The following EML4 variants were observed in gnomAD, a reference collection of about 807,000 sequenced individuals.
EML4 encodes EMAP like 4.
Under a neutral mutation model 129.0 loss-of-function variants are expected in EML4, and 72 were observed. That is an observed-to-expected ratio of 0.56 (90% CI 0.46 to 0.68). EML4 has a LOEUF of 0.68. Among genes scored for constraint, EML4 ranks in the 30% least tolerant of loss-of-function variants. The probability of loss-of-function intolerance (pLI) is 0.00; values close to 1 mark genes in which losing one functional copy is unlikely to be tolerated. For missense variants in EML4, 1,363 were observed against 1,190.6 expected (o/e 1.14, Z -2.13); for synonymous variants, 532 against 405.0 (o/e 1.31, Z -3.77).
chr2:42,231,501 CT>C (rs1674343107), intron 1 of EML4, among the ~76,000 whole-genome samples: 1 of 152,192 alleles, frequency 6.6e-6, no homozygotes, highest in South Asian at 2.1e-4. Flanking sequence ...ATTCCCCACA[CT>C]GTTTTTTTTC....
At chr2:42,224,307 T>C (rs939946368) in intron 1 of EML4, among the ~76,000 whole-genome samples, 1 of 152,158 alleles carries the variant, frequency 6.6e-6, no homozygotes, top group East Asian at 1.9e-4. Flanking sequence ...ATACAGTATG[T>C]AGTCTTTTGT....
At chr2:42,239,461 A>G (rs1293550948) in intron 1 of EML4, among the ~76,000 whole-genome samples, 2 of 152,256 alleles carry the variant, frequency 1.3e-5, no homozygotes, top group Admixed American at 6.5e-5. Context: ...TTCAAACTTT[A>G]TAAAGTTTAC....
intron 19 of EML4, among the ~76,000 whole-genome samples, chr2:42,323,393 T>A (rs1377181119): frequency 6.6e-6 from 1 of 152,172 alleles, no homozygotes; most frequent in Non-Finnish European, 1.5e-5. Flanking sequence ...AGCAAGTGAT[T>A]CCCAACGTGT....
intron 13 of EML4, among the ~76,000 whole-genome samples, chr2:42,298,222 C>G (rs1231628114): frequency 6.6e-6 from 1 of 152,138 alleles, no homozygotes; most frequent in Non-Finnish European, 1.5e-5. Context: ...CAAAGTCTCC[C>G]TAATATTTTA....
At position 42,310,518 on chromosome 2, in the gene EML4, G is replaced by A. The variant is rs187979041; in HGVS notation, c.1968-5444G>A. Among the ~76,000 whole-genome samples, 256 of 152,180 alleles carry A rather than the reference G, an allele frequency of 1.7e-3. 3 individuals carry two copies. Among genetic ancestry groups the A allele is most frequent in the Non-Finnish European group, 1.9e-4 (13 of 68,004 alleles). On this transcript the variant is annotated intron_variant, in intron 17 of 22. Transcript: ENST00000318522. ...GCACCACCATGCCTGGCTAATTTTT[G>A]TATTTTCAGTAGAGACAGGGTTTCA...
chr2:42,317,596 T>A (rs1669311277), intron 19 of EML4, 72 bp downstream of exon 19: 1 of 996,754 alleles, frequency 1.0e-6, no homozygotes, highest in African/African-American at 1.6e-5. Context: ...AATTTTTACA[T>A]CGATGTGTGT....
chr2:42,294,586 C>A (rs1254218414), intron 11 of EML4, among the ~76,000 whole-genome samples: 1 of 152,028 alleles, frequency 6.6e-6, no homozygotes, highest in African/African-American at 2.4e-5. Context: ...GTCCCAGCTA[C>A]TGGGGAGGCT....
At chr2:42,218,111 A>G (rs190828729) in intron 1 of EML4, among the ~76,000 whole-genome samples, 61 of 152,210 alleles carry the variant, frequency 4.0e-4, no homozygotes, top group African/African-American at 1.1e-3. Context: ...CTTCATCTGT[A>G]TTTGCAGCCG....
chr2:42,200,862 G>A (rs944199029), intron 1 of EML4, among the ~76,000 whole-genome samples: 5 of 152,134 alleles, frequency 3.3e-5, no homozygotes, highest in Non-Finnish European at 7.4e-5. Context: ...GGGACAGTAG[G>A]GGAAATGAGG....
rs79402617 is a variant in EML4 at position 42,225,486 on chromosome 2, T to G, written c.26-20019T>G. ...TGCCTACTTCTGGATTGCTGGATTG[T>G]AGGCCAAGTATATTTTCACATTTAG... On this transcript the variant is annotated intron_variant, in intron 1 of 22. Coordinates refer to ENST00000318522, the MANE Select transcript of EML4 (RefSeq NM_019063.5). Among the ~76,000 whole-genome samples, 1,118 of 152,306 alleles carry G rather than the reference T, an allele frequency of 7.3e-3. 22 individuals are homozygous for G. The highest frequency in any genetic ancestry group is 0.026 in the South Asian group (125 of 4,828).
At chr2:42,217,361 A>G (rs905155726) in intron 1 of EML4, among the ~76,000 whole-genome samples, 6 of 152,130 alleles carry the variant, frequency 3.9e-5, no homozygotes, top group African/African-American at 4.8e-5. Context: ...CTTGATTGTC[A>G]AGATTCGTTC....
intron 19 of EML4, chr2:42,319,963 C>T (rs746634554): frequency 2.6e-5 from 4 of 152,148 alleles, no homozygotes; most frequent in Admixed American, 6.5e-5. Flanking sequence ...ATAAATGTCT[C>T]TAATAAAAAT....
chr2:42,284,272 GATTAAA>G (rs1239297990), intron 8 of EML4, among the ~76,000 whole-genome samples: 6 of 152,196 alleles, frequency 3.9e-5, no homozygotes, highest in African/African-American at 1.4e-4. Flanking sequence ...TACTTTAATA[GATTAAA>G]ATTAAACAGC....
chr2:42,295,360 A>G, intron 12 of EML4, 21 bp from the exon 13 acceptor site: 1 of 1,603,632 alleles, frequency 6.2e-7, no homozygotes, highest in Non-Finnish European at 8.5e-7. Flanking sequence ...AAAACTGAAA[A>G]TTTTTATTGT....
intron 1 of EML4, among the ~76,000 whole-genome samples, chr2:42,236,077 A>C (rs1393964449): frequency 6.6e-6 from 1 of 152,192 alleles, no homozygotes; most frequent in Non-Finnish European, 1.5e-5. Flanking sequence ...CTGTCATACA[A>C]CCATCAGAAG....
chr2:42,180,082 T>C (rs1382594219), intron 1 of EML4, among the ~76,000 whole-genome samples: 2 of 152,240 alleles, frequency 1.3e-5, no homozygotes, highest in Admixed American at 6.5e-5. Flanking sequence ...TCTGTGAGTT[T>C]GGAATCATTT....
In EML4 at chr2:42,330,788, G is replaced by C. The variant is rs1474683685; in HGVS notation, c.*581G>C. On this transcript the variant is annotated 3_prime_UTR_variant, in exon 23 of 23. Transcript: ENST00000318522. ...AAAATGCCGTTTTCTTACACTACCA[G>C]TGGATGTCCAGACATGCTCTTAGTC... 2 of 220,722 alleles carry C rather than the reference G, an allele frequency of 9.1e-6. No homozygotes were observed. The allele number at this position is 220,722 out of a possible 1,614,324, so 13.7% of individuals were successfully genotyped here.
rs1668408253 is a variant in EML4, at chr2:42,303,429, T to C, written c.1882T>C (p.Trp628Arg). ...LWNSMEHRLE[W>R]TRLVDEPGHC... ...GAACTCAATGGAACACAGGCTGGAA[T>C]GGACCAGGCTGGTAGATGTGAGTGA... Residue 628 changes from tryptophan to arginine, a missense_variant, in exon 16 of 23, where the codon TGG becomes CGG. Physicochemically the swap from Trp to Arg is moderately radical, Grantham distance 101. Transcript: ENST00000318522. 6.2e-7 allele frequency: 1 copy of C among 1,613,848 alleles called. No individual in the cohort carries two copies.
intron 1 of EML4, among the ~76,000 whole-genome samples, chr2:42,241,873 T>TGGGG (rs1033165271): frequency 3.3e-4 from 43 of 131,590 alleles, no homozygotes; most frequent in African/African-American, 1.4e-3. Flanking sequence ...TGTGTGTGTG[T>TGGGG]CGGGGGGGGG....
Sources: gnomAD v4.1 joint callset for allele counts (sites outside exome capture counted in the v4.1 genomes callset) on GRCh38, gnomAD v4.1.1 for gene constraint, MANE v1.5 for transcripts, NCBI Gene and HGNC (gene_info 2026-07-23, HGNC 2026-07-21) for gene names.